NRG1: variants seen among roughly 807,000 people sequenced by gnomAD.
NRG1 encodes the protein pro-neuregulin-1, membrane-bound isoform.
NRG1 carries 18 observed loss-of-function variants against 63.8 expected under a neutral mutation model. The ratio of observed to expected loss-of-function variants is 0.28; its 90% CI spans 0.19 to 0.42. The LOEUF (loss-of-function observed/expected upper bound fraction) is 0.42. NRG1 is among the 10% of genes least tolerant of loss of function. The pLI, the probability that NRG1 is intolerant of heterozygous loss-of-function variation, is 1.00. For synonymous variants in NRG1, 302 were observed against 301.3 expected, an observed-to-expected ratio of 1.00 and a Z score of -0.02; for missense variants, 762 against 814.7, an observed-to-expected ratio of 0.94 and a Z score of 0.79.
chr8:31,820,079 A>ATT (rs150969975), intron 1 of NRG1, among the ~76,000 whole-genome samples: 104 of 152,100 alleles, frequency 6.8e-4, no homozygotes, highest in African/African-American at 2.4e-3. Flanking sequence ...ATGAACAGTG[A>ATT]TTTTTATGTA....
chr8:32,467,389 TG>T (rs1823204400), intron 1 of NRG1, among the ~76,000 whole-genome samples: 2 of 152,186 alleles, frequency 1.3e-5, no homozygotes, highest in African/African-American at 4.8e-5. Context: ...CCAGGACCAC[TG>T]TTGCCCTGAA....
At chr8:32,209,241 A>G (rs1844403837) in intron 1 of NRG1, among the ~76,000 whole-genome samples, 1 of 152,192 alleles carries the variant, frequency 6.6e-6, no homozygotes, top group Non-Finnish European at 1.5e-5. Flanking sequence ...ATTATGTTCC[A>G]TAATCACCAT....
At chr8:31,917,108 C>T (rs1313675649) in intron 1 of NRG1, among the ~76,000 whole-genome samples, 2 of 131,172 alleles carry the variant, frequency 1.5e-5, no homozygotes, top group Non-Finnish European at 3.2e-5. Context: ...GATATTAGCC[C>T]TTTGTCAGAT....
At chr8:31,919,235 C>A (rs1380885065) in intron 1 of NRG1, among the ~76,000 whole-genome samples, 2 of 151,856 alleles carry the variant, frequency 1.3e-5, no homozygotes, top group East Asian at 3.9e-4. Context: ...TTATTTCTTG[C>A]CTTCTGCTAG....
intron 1 of NRG1, among the ~76,000 whole-genome samples, chr8:31,750,408 A>G (rs1816333348): frequency 6.6e-6 from 1 of 151,894 alleles, no homozygotes; most frequent in Non-Finnish European, 1.5e-5. Flanking sequence ...GCAAAACTGA[A>G]TGTCTAACTA....
intron 1 of NRG1, among the ~76,000 whole-genome samples, chr8:31,954,323 A>C (rs898730298): frequency 3.3e-5 from 5 of 152,218 alleles, no homozygotes; most frequent in Admixed American, 2.0e-4. Flanking sequence ...AAGTGGGTGA[A>C]CATGTAGGAT....
intron 1 of NRG1, among the ~76,000 whole-genome samples, chr8:31,708,108 G>A (rs1811331694): frequency 6.6e-6 from 1 of 152,118 alleles, no homozygotes; most frequent in Admixed American, 6.5e-5. Flanking sequence ...AGCTGGACCT[G>A]TGAACACCAC....
intron 1 of NRG1, among the ~76,000 whole-genome samples, chr8:32,376,864 T>C (rs1293992279): frequency 1.3e-5 from 2 of 152,270 alleles, no homozygotes; most frequent in East Asian, 3.9e-4. Flanking sequence ...ACAAAAAAAG[T>C]CCAAATTAAT....
At chr8:31,926,502 T>A (rs931520757) in intron 1 of NRG1, among the ~76,000 whole-genome samples, 24 of 152,156 alleles carry the variant, frequency 1.6e-4, no homozygotes, top group African/African-American at 5.8e-4. Flanking sequence ...AGCTATTCTG[T>A]TATAGCTGGA....
chr8:31,654,756 A>G (rs147288824), intron 1 of NRG1, among the ~76,000 whole-genome samples: 147 of 152,264 alleles, frequency 9.7e-4, no homozygotes, highest in African/African-American at 3.4e-3. Flanking sequence ...TGGGAAACAT[A>G]GTGAGGCCCT....
At chr8:32,013,059 A>G (rs1468666699) in intron 1 of NRG1, among the ~76,000 whole-genome samples, 1 of 152,110 alleles carries the variant, frequency 6.6e-6, no homozygotes, top group Non-Finnish European at 1.5e-5. Flanking sequence ...ATAAAAGCCA[A>G]ACTGTCATCA....
chr8:32,240,733 T>G (rs1848015450), intron 1 of NRG1, among the ~76,000 whole-genome samples: 1 of 152,180 alleles, frequency 6.6e-6, no homozygotes, highest in Admixed American at 6.5e-5. Context: ...AAAAAATGCT[T>G]TGTCCTATAC....
At chr8:32,230,820 C>T (rs968255179) in intron 1 of NRG1, among the ~76,000 whole-genome samples, 6 of 151,776 alleles carry the variant, frequency 4.0e-5, no homozygotes, top group Admixed American at 3.9e-4. Flanking sequence ...ATAATCTTAT[C>T]GGGGCAATTG....
At chr8:31,964,511 A>T (rs926172647) in intron 1 of NRG1, among the ~76,000 whole-genome samples, 1 of 152,146 alleles carries the variant, frequency 6.6e-6, no homozygotes, top group African/African-American at 2.4e-5. Flanking sequence ...AAATAAAATT[A>T]AAAACTACCT....
At chr8:31,854,629 T>C (rs1490200423) in intron 1 of NRG1, among the ~76,000 whole-genome samples, 3 of 152,218 alleles carry the variant, frequency 2.0e-5, no homozygotes, top group Non-Finnish European at 4.4e-5. Flanking sequence ...TTCTCTGATC[T>C]TAGTTATTTC....
chr8:32,183,193 C>A (rs547523117), intron 1 of NRG1, among the ~76,000 whole-genome samples: 11 of 152,112 alleles, frequency 7.2e-5, no homozygotes, highest in Non-Finnish European at 1.3e-4. Flanking sequence ...GTAGAACGTG[C>A]GTTCTAACTG....
chr8:32,340,229 G>T (rs541466318), intron 1 of NRG1, among the ~76,000 whole-genome samples: 54 of 152,274 alleles, frequency 3.5e-4, no homozygotes, highest in African/African-American at 1.3e-3. Context: ...AAAACAATAT[G>T]CATGTATGCA....
intron 1 of NRG1, among the ~76,000 whole-genome samples, chr8:32,164,277 G>C (rs1016828567): frequency 6.6e-6 from 1 of 151,626 alleles, no homozygotes; most frequent in East Asian, 1.9e-4. Flanking sequence ...GGGAGAAGCT[G>C]AATATATCTG....
At chr8:32,513,578 A>T (rs1829479760) in intron 1 of NRG1, among the ~76,000 whole-genome samples, 2 of 152,156 alleles carry the variant, frequency 1.3e-5, no homozygotes, top group Non-Finnish European at 2.9e-5. Flanking sequence ...TGATCTATAA[A>T]CTTTGTTCCA....
Sources: gnomAD v4.1 joint callset for allele counts (sites outside exome capture counted in the v4.1 genomes callset) on GRCh38, gnomAD v4.1.1 for gene constraint, MANE v1.5 for transcripts, NCBI Gene and HGNC (gene_info 2026-07-23, HGNC 2026-07-21) for gene names.